Variants in L1CAM observed in about 807,000 individuals in gnomAD.
L1CAM encodes neural cell adhesion molecule L1.
Under a neutral mutation model 93.0 loss-of-function variants are expected in L1CAM, and 8 were observed. That is an observed-to-expected ratio of 0.09 (90% CI 0.05 to 0.16). L1CAM has a LOEUF of 0.16. Ranked by LOEUF, L1CAM falls within the 10% of genes least tolerant of loss-of-function variation. The pLI, the probability that L1CAM is intolerant of heterozygous loss-of-function variation, is 1.00. For missense variants in L1CAM, 777 were observed against 1,073.4 expected (o/e 0.72, Z 3.86); for synonymous variants, 453 against 453.0 (o/e 1.00, Z 0.00).
chrX:153,883,189 G>A (rs1361372017), intron 1 of L1CAM, among the ~76,000 whole-genome samples: 5 of 111,584 alleles, frequency 4.5e-5, no homozygotes, highest in African/African-American at 1.6e-4. Context: ...GGCAGGGGCA[G>A]CTGGGGGGGA....
In L1CAM at chrX:153,862,753, C is replaced by T; in HGVS notation, c.3684G>A (p.Gln1228=). 1.6e-6 allele frequency: 2 copies of T among 1,212,340 alleles called. No homozygotes were observed. The highest frequency in any genetic ancestry group is 3.4e-5 in the African/African-American group (2 of 58,036). The change falls in exon 29 of 29, where the codon CAG becomes CAA. Residue 1228 remains glutamine, a synonymous_variant. Coordinates refer to ENST00000370060, the MANE Select transcript of L1CAM (RefSeq NM_001278116.2). ...QFNEDGSFIG[Q]YSGKKEKEAA... is the part of the protein sequence containing the mutation. ...CCTCCTTCTCCTTCTTGCCACTGTA[C>T]TGGCCAATGAACGAACCATCCTCGT...
Position 153,872,311 on chromosome X carries a change from C to G in L1CAM, c.241G>C (p.Glu81Gln). 1 of 1,208,428 alleles carries G rather than the reference C, an allele frequency of 8.3e-7. No homozygotes were observed. Among genetic ancestry groups the G allele is most frequent in the Non-Finnish European group, 1.1e-6 (1 of 894,672 alleles). Residue 81 changes from glutamate (E) to glutamine (Q), a missense_variant, in exon 5 of 29, where the codon GAG becomes CAG. Glu to Gln is a conservative substitution (Grantham distance 29). Around this residue, in one of 5 missense-constraint regions of L1CAM, gnomAD observed 574 missense variants for 781.0 expected, o/e 0.73. Transcript: ENST00000370060. ...RDGVHFKPKEELGVTVYQSPH... is the reference protein window; with the variant it reads ...RDGVHFKPKEQLGVTVYQSPH... ...GACTGGTACACGGTCACACCCAGCT[C>G]TTCCTTGGGTTTGAAGTGGACACCA...
Position 153,863,556 on chromosome X carries a change from A to T in L1CAM, c.3458-7T>A. 1 of 1,201,374 alleles carries T rather than the reference A, an allele frequency of 8.3e-7. No homozygotes were observed. Among genetic ancestry groups the T allele is most frequent in the Non-Finnish European group, 1.1e-6 (1 of 887,351 alleles). ...GTGTCCTCCTTATCCTTCACTGGAGACACAGAGAGGGACAGCTTCTTCTCC... is the reference window on the plus strand; with the variant it reads ...GTGTCCTCCTTATCCTTCACTGGAGTCACAGAGAGGGACAGCTTCTTCTCC... On this transcript the variant is annotated splice_polypyrimidine_tract_variant and splice_region_variant and intron_variant, in intron 26 of 28. Transcript: ENST00000370060.
At chrX:153,869,345 C>T (rs1410877761) in intron 11 of L1CAM, among the ~76,000 whole-genome samples, 175 bp downstream of exon 11, 1 of 112,431 alleles carries the variant, frequency 8.9e-6, no homozygotes, top group Non-Finnish European at 1.9e-5. Flanking sequence ...ACATCTCCCT[C>T]GGCTATCGTG....
In L1CAM at chrX:153,862,726, C is replaced by T. The variant is rs782576787; in HGVS notation, c.3711G>A (p.Ala1237=). The change falls in exon 29 of 29, where the codon GCG becomes GCA. Residue 1237 remains alanine, a synonymous_variant. Coordinates refer to ENST00000370060, the MANE Select transcript of L1CAM (RefSeq NM_001278116.2). ...CCCCTGAGCTGTCATTGCCCCCTGC[C>T]GCCTCCTTCTCCTTCTTGCCACTGT... ...GQYSGKKEKE[A]AGGNDSSGAT... 7.4e-6 allele frequency: 9 copies of T among 1,211,001 alleles called. No homozygotes were observed. Among genetic ancestry groups the T allele is most frequent in the Admixed American group, 6.5e-5 (3 of 45,976 alleles).
chrX:153,874,106 G>T (rs1270534479), intron 2 of L1CAM, among the ~76,000 whole-genome samples: 6 of 112,684 alleles, frequency 5.3e-5, no homozygotes, highest in African/African-American at 1.9e-4. Flanking sequence ...AGCCAACTAG[G>T]TGGAGGAAGC....
Position 153,870,728 on chromosome X carries a change from G to A in L1CAM, c.694+62C>T, listed in dbSNP as rs531395122. The A allele has an allele frequency of 2.2e-5, 24 of 1,103,016 alleles. No homozygotes were observed. In the South Asian group the frequency reaches 4.0e-4, roughly 19 times the overall value. 90.9% of individuals were successfully genotyped at this position (1,103,016 alleles called of 1,213,427 possible). A position where few individuals can be genotyped will look rare whatever the true frequency, so the allele number is the denominator to read the frequency against. The stretch of plus-strand genomic sequence containing the variant: ...GGAGTTGTCAGATGGACCTATGGTG[G>A]GAAGGGCCATGCCTGAGGGTGAAAG... On this transcript the variant is annotated intron_variant, in intron 7 of 28. Coordinates refer to ENST00000370060, the MANE Select transcript of L1CAM (RefSeq NM_001278116.2).
At chrX:153,876,860 T>C (rs7055451) in intron 1 of L1CAM, among the ~76,000 whole-genome samples, 5,229 of 108,817 alleles carry the variant, frequency 0.048, 150 homozygotes, top group African/African-American at 0.1. Flanking sequence ...AAAATTAGCC[T>C]TGGTGGTGGG....
intron 16 of L1CAM, 107 bp from the exon 17 acceptor site, chrX:153,867,660 C>A: frequency 2.1e-6 from 2 of 957,146 alleles, no homozygotes; most frequent in Non-Finnish European, 1.5e-6. Flanking sequence ...GGCCAACTGG[C>A]ATCTCCAGAT....
intron 1 of L1CAM, chrX:153,885,856 C>A: frequency 1.2e-6 from 1 of 811,279 alleles, no homozygotes; most frequent in Non-Finnish European, 1.5e-6. Context: ...CGGGCTCGGG[C>A]ACCCGGCATC....
At chrX:153,875,004 A>G (rs955861399) in intron 2 of L1CAM, among the ~76,000 whole-genome samples, 6 of 112,277 alleles carry the variant, frequency 5.3e-5, no homozygotes, top group African/African-American at 1.9e-4. Context: ...CACCCATGTA[A>G]GGAAGTCAAA....
chrX:153,883,472 G>C (rs782145639), intron 1 of L1CAM, among the ~76,000 whole-genome samples: 1 of 111,741 alleles, frequency 8.9e-6, no homozygotes, highest in South Asian at 3.7e-4. Flanking sequence ...GGAGGTGTCC[G>C]AGATGGGCCA....
At chrX:153,871,408 G>T (rs2064768494) in intron 5 of L1CAM, among the ~76,000 whole-genome samples, 1 of 111,062 alleles carries the variant, frequency 9.0e-6, no homozygotes, top group Non-Finnish European at 1.9e-5. Context: ...AGACCAGGAG[G>T]CCAGGAAGGG....
chrX:153,869,198 C>T, intron 11 of L1CAM: 2 of 450,288 alleles, frequency 4.4e-6, no homozygotes, highest in South Asian at 3.2e-5. Context: ...CTGACAGTCA[C>T]CTCTCCCCAG....
chrX:153,869,368 A>G (rs1481716697), intron 11 of L1CAM, 152 bp downstream of exon 11: 29 of 609,022 alleles, frequency 4.8e-5, no homozygotes, highest in Non-Finnish European at 7.3e-5. Flanking sequence ...GCTGAGTGAG[A>G]TGGGGCGAAG....
At chrX:153,880,614 C>T (rs1201538730) in intron 1 of L1CAM, 10 of 338,997 alleles carry the variant, frequency 2.9e-5, no homozygotes, top group Admixed American at 1.9e-4. Flanking sequence ...GTGTCACCTA[C>T]ACCCTGTGCA....
chrX:153,869,365 G>A, intron 11 of L1CAM, among the ~76,000 whole-genome samples, 155 bp downstream of exon 11: 1 of 112,517 alleles, frequency 8.9e-6, no homozygotes. Context: ...GAGGCTGAGT[G>A]AGATGGGGCG....
In L1CAM at chrX:153,866,869, C is replaced by T. The variant is rs146782397; in HGVS notation, c.2211G>A (p.Pro737=). The T allele has an allele frequency of 9.6e-4, 1,160 of 1,205,873 alleles. 4 individuals carry two copies. The South Asian group carries it at 0.01, about 11-fold the overall frequency. Residue 737 remains proline (P), a splice_region_variant and synonymous_variant, in exon 19 of 29, where the codon CCG becomes CCA. Coordinates refer to ENST00000370060, the MANE Select transcript of L1CAM (RefSeq NM_001278116.2). ...GGGCGTTCCAGTCCATCCACCGGAG[C>T]GGCTGGAGGAGGCCAGCAGAAGAGG... ...ETTNMVITWK[P]LRWMDWNAPQ...
At chrX:153,869,041 G>A (rs1342458439) in intron 11 of L1CAM, 89 bp from the exon 12 acceptor site, 3 of 700,968 alleles carry the variant, frequency 4.3e-6, no homozygotes, top group Non-Finnish European at 6.8e-6. Flanking sequence ...GCTTCCTCGG[G>A]CCCCCAAGAG....
Sources: allele counts gnomAD v4.1 joint callset (sites outside exome capture counted in the v4.1 genomes callset), GRCh38; gene constraint gnomAD v4.1.1; regional missense constraint gnomAD v4.1.1; transcripts MANE v1.5; gene names NCBI Gene and HGNC (gene_info 2026-07-23, HGNC 2026-07-21).